CCDC92: variants seen among roughly 807,000 people sequenced by gnomAD.
The protein encoded by CCDC92 is coiled-coil domain containing 92.
In CCDC92, 12 loss-of-function variants were observed where a neutral mutation model predicts 24.9. That is an observed-to-expected ratio of 0.48 (90% CI 0.31 to 0.78). The LOEUF (loss-of-function observed/expected upper bound fraction) is 0.78. Among genes scored for constraint, CCDC92 ranks in the 30% least tolerant of loss-of-function variants. The pLI is 0.05. For missense variants in CCDC92, 399 were observed against 439.4 expected (o/e 0.91, Z 0.82); for synonymous variants, 193 against 196.3 (o/e 0.98, Z 0.14).
At position 123,936,701 on chromosome 12, in the gene CCDC92, T is replaced by C. The variant is rs1955505737; in HGVS notation, c.*357A>G. On this transcript the variant is annotated 3_prime_UTR_variant, in exon 5 of 5. Coordinates refer to ENST00000238156, the MANE Select transcript of CCDC92 (RefSeq NM_025140.3). ...TGAGGATAAGGTCAAGGTTGGTATG[T>C]GTTGCTCCGACTTGAGAATGAATTA... The C allele has an allele frequency of 2.9e-6, 1 of 339,102 alleles. No homozygotes were observed. Among genetic ancestry groups the C allele is most frequent in the Non-Finnish European group, 5.4e-6 (1 of 183,890 alleles). 21.0% of individuals were successfully genotyped at this position (339,102 alleles called of 1,614,324 possible). A position where few individuals can be genotyped will look rare whatever the true frequency, so the allele number is the denominator to read the frequency against.
At chr12:123,962,760 T>C (rs1956300504) in intron 1 of CCDC92, 1 of 151,348 alleles carries the variant, frequency 6.6e-6, no homozygotes. Flanking sequence ...GCAGTCTGAC[T>C]CTCACCTGCT....
At position 123,961,522 on chromosome 12, in the gene CCDC92, A is replaced by AG. The variant is rs1414842543; in HGVS notation, c.-60+11006dup. ...GAAAATAAGGTTAGATAGAAAAGCT[A>AG]GTGTCAGATTTAAGTTGTATATTAA... On this transcript the variant is annotated intron_variant, in intron 1 of 4. Coordinates refer to ENST00000238156, the MANE Select transcript of CCDC92 (RefSeq NM_025140.3). Among the ~76,000 whole-genome samples the AG allele has an allele frequency of 3.3e-5, 5 of 152,356 alleles. No individual in the cohort carries two copies. The East Asian group carries it at 9.6e-4, about 29-fold the overall frequency.
chr12:123,963,242 C>T (rs1283690378), intron 1 of CCDC92, among the ~76,000 whole-genome samples: 1 of 152,220 alleles, frequency 6.6e-6, no homozygotes, highest in Admixed American at 6.5e-5. Flanking sequence ...GGCCTTTTCT[C>T]CTCTTTGGAC....
At chr12:123,959,798 T>C (rs936717772) in intron 1 of CCDC92, among the ~76,000 whole-genome samples, 2 of 151,974 alleles carry the variant, frequency 1.3e-5, no homozygotes, top group Admixed American at 1.3e-4. Flanking sequence ...TTTGTTGGAA[T>C]TAAAATGTAC....
chr12:123,957,050 CTTA>C (rs1443436026), intron 1 of CCDC92, among the ~76,000 whole-genome samples: 4 of 152,122 alleles, frequency 2.6e-5, no homozygotes, highest in African/African-American at 7.2e-5. Flanking sequence ...GTTTTTTCCT[CTTA>C]TATTTGACCT....
intron 1 of CCDC92, among the ~76,000 whole-genome samples, chr12:123,963,507 TG>T (rs532085464): frequency 1.6e-3 from 243 of 152,350 alleles, no homozygotes; most frequent in Non-Finnish European, 2.9e-3. Flanking sequence ...CTAAAATGAC[TG>T]GAACACTGGA....
At position 123,936,889 on chromosome 12, in the gene CCDC92, A is replaced by G; in HGVS notation, c.*169T>C. The G allele has an allele frequency of 1.4e-6, 1 of 708,752 alleles. No individual in the cohort carries two copies. The allele number at this position is 708,752 out of a possible 1,614,324, so 43.9% of individuals were successfully genotyped here. On this transcript the variant is annotated 3_prime_UTR_variant, in exon 5 of 5. Coordinates refer to ENST00000238156, the MANE Select transcript of CCDC92 (RefSeq NM_025140.3). ...AGGAAATACATATTCTGCGGCAGGG[A>G]CACGATCATATTTTGGTGTGAAGAA...
chr12:123,947,090 G>A (rs1955893646), intron 1 of CCDC92, among the ~76,000 whole-genome samples: 1 of 152,202 alleles, frequency 6.6e-6, no homozygotes, highest in African/African-American at 2.4e-5. Context: ...GGCAATGAGG[G>A]GCTTAGCACC....
chr12:123,972,174 C>T (rs1207261538), intron 1 of CCDC92: 1 of 152,104 alleles, frequency 6.6e-6, no homozygotes, highest in Non-Finnish European at 1.5e-5. Context: ...CGGTCCGCAC[C>T]CTGGACTGGA....
At chr12:123,962,818 A>G (rs1956302623) in intron 1 of CCDC92, 1 of 152,178 alleles carries the variant, frequency 6.6e-6, no homozygotes, top group Non-Finnish European at 1.5e-5. Context: ...GAGAATCTAC[A>G]GTCATTGTTT....
chr12:123,949,336 C>T (rs1955964622), intron 1 of CCDC92, among the ~76,000 whole-genome samples: 1 of 152,234 alleles, frequency 6.6e-6, no homozygotes, highest in African/African-American at 2.4e-5. Context: ...AATTTTGTTC[C>T]TAAGCGTTGC....
intron 1 of CCDC92, chr12:123,968,203 G>A (rs1956437940): frequency 6.6e-6 from 1 of 152,216 alleles, no homozygotes; most frequent in South Asian, 2.1e-4. Flanking sequence ...CTCCTTCACA[G>A]AAGAGTAGAC....
At chr12:123,948,973 G>C (rs537305249) in intron 1 of CCDC92, among the ~76,000 whole-genome samples, 196 of 152,318 alleles carry the variant, frequency 1.3e-3, no homozygotes, top group African/African-American at 4.6e-3. Flanking sequence ...TCCTGTTTAG[G>C]CTGAGGAGAC....
At chr12:123,939,442 G>GT (rs2137871481) in intron 4 of CCDC92, among the ~76,000 whole-genome samples, 1 of 152,306 alleles carries the variant, frequency 6.6e-6, no homozygotes, top group South Asian at 2.1e-4. Flanking sequence ...ATGGGGTCAT[G>GT]TCCCGAAAAA....
At chr12:123,944,147 A>C in intron 2 of CCDC92, 125 bp downstream of exon 2, 1 of 696,118 alleles carries the variant, frequency 1.4e-6, no homozygotes, top group South Asian at 1.6e-5. Flanking sequence ...CTTCTTGGGA[A>C]GGTCTGAGAA....
At chr12:123,957,832 G>A (rs768765795) in intron 1 of CCDC92, among the ~76,000 whole-genome samples, 5 of 147,088 alleles carry the variant, frequency 3.4e-5, no homozygotes, top group Non-Finnish European at 3.0e-5. Flanking sequence ...CCTCAGCCCC[G>A]AGTAGCTGGG....
intron 1 of CCDC92, among the ~76,000 whole-genome samples, chr12:123,953,887 C>T (rs1956087860): frequency 6.7e-6 from 1 of 150,326 alleles, no homozygotes; most frequent in Non-Finnish European, 1.5e-5. Flanking sequence ...ACCCAGGAGG[C>T]GGAGGTTGCA....
chr12:123,941,200 C>T (rs904989522), intron 4 of CCDC92, among the ~76,000 whole-genome samples: 60 of 152,290 alleles, frequency 3.9e-4, no homozygotes, highest in African/African-American at 1.2e-3. Flanking sequence ...CAGGTGTGGA[C>T]GCTGGAGGTC....
At chr12:123,967,503 ATG>A (rs1421914124) in intron 1 of CCDC92, among the ~76,000 whole-genome samples, 2 of 152,288 alleles carry the variant, frequency 1.3e-5, no homozygotes, top group South Asian at 4.2e-4. Flanking sequence ...ATCTGGGTTG[ATG>A]TGTGTGACAG....
Sources: gnomAD v4.1 joint callset for allele counts (sites outside exome capture counted in the v4.1 genomes callset) on GRCh38, gnomAD v4.1.1 for gene constraint, MANE v1.5 for transcripts, NCBI Gene and HGNC (gene_info 2026-07-23, HGNC 2026-07-21) for gene names.